The following GHR variants were observed in gnomAD, a reference collection of about 807,000 sequenced individuals.
The protein encoded by GHR is GH receptor.
GHR carries 35 observed loss-of-function variants against 67.1 expected under a neutral mutation model. The ratio of observed to expected loss-of-function variants is 0.52; its 90% CI spans 0.40 to 0.69. The LOEUF is 0.69. GHR is among the 30% of genes least tolerant of loss of function. The pLI is 0.00. For missense variants in GHR, 792 were observed against 764.6 expected, an observed-to-expected ratio of 1.04 and a Z score of -0.42; for synonymous variants, 272 against 269.1, an observed-to-expected ratio of 1.01 and a Z score of -0.10.
Position 42,716,016 on chromosome 5 carries a change from A to G in GHR, c.876-2036A>G, listed in dbSNP as rs576222057. Reference sequence around the variant, plus strand: ...ACAACCACTAGAAAACCACTAGCGCATGCCTGAATGCATCATCCTATTTAA... The same window carrying G: ...ACAACCACTAGAAAACCACTAGCGCGTGCCTGAATGCATCATCCTATTTAA... On this transcript the variant is annotated intron_variant, in intron 8 of 9. Transcript: ENST00000230882. 2.0e-5 allele frequency among the ~76,000 whole-genome samples: 3 copies of G among 152,320 alleles called. No individual in the cohort carries two copies. In the South Asian group the frequency reaches 6.2e-4, roughly 32 times the overall value.
intron 1 of GHR, among the ~76,000 whole-genome samples, chr5:42,531,217 A>T (rs1044806191): frequency 2.0e-5 from 3 of 152,020 alleles, no homozygotes; most frequent in Admixed American, 6.6e-5. Flanking sequence ...CAGTGAGCTG[A>T]GATAGCACCA....
At chr5:42,646,259 T>C in intron 3 of GHR, 1 of 434,238 alleles carries the variant, frequency 2.3e-6, no homozygotes, top group Non-Finnish European at 4.6e-6. Flanking sequence ...GTTGACCTCA[T>C]AGCTGATTAC....
chr5:42,712,502 G>A (rs949264814), intron 7 of GHR, among the ~76,000 whole-genome samples: 1 of 152,020 alleles, frequency 6.6e-6, no homozygotes, highest in Non-Finnish European at 1.5e-5. Context: ...GACAAAAAAT[G>A]ATTTTTTCTC....
At chr5:42,588,743 A>C (rs1221454900) in intron 2 of GHR, among the ~76,000 whole-genome samples, 2 of 152,132 alleles carry the variant, frequency 1.3e-5, no homozygotes, top group African/African-American at 4.8e-5. Context: ...TGATAAATCC[A>C]TATGAATGTC....
At chr5:42,683,925 A>C (rs1757012069) in intron 3 of GHR, among the ~76,000 whole-genome samples, 1 of 152,176 alleles carries the variant, frequency 6.6e-6, no homozygotes, top group Non-Finnish European at 1.5e-5. Context: ...AAGTTTAAGT[A>C]ATCAAAATGT....
At chr5:42,584,454 C>T (rs1057042163) in intron 2 of GHR, among the ~76,000 whole-genome samples, 2 of 152,124 alleles carry the variant, frequency 1.3e-5, no homozygotes, top group African/African-American at 4.8e-5. Context: ...CTCCCTCAAG[C>T]TTTGAAGAAA....
At chr5:42,478,659 G>T (rs1745459163) in intron 1 of GHR, among the ~76,000 whole-genome samples, 1 of 152,188 alleles carries the variant, frequency 6.6e-6, no homozygotes, top group African/African-American at 2.4e-5. Context: ...GTGAATGGGA[G>T]TTCACTCATG....
intron 2 of GHR, among the ~76,000 whole-genome samples, chr5:42,577,113 C>T (rs373146045): frequency 6.6e-6 from 1 of 152,140 alleles, no homozygotes; most frequent in Non-Finnish European, 1.5e-5. Context: ...AGAGTTAAAA[C>T]GTGGGTGTGC....
intron 2 of GHR, among the ~76,000 whole-genome samples, chr5:42,568,044 G>A (rs1339750427): frequency 1.3e-5 from 2 of 152,152 alleles, no homozygotes; most frequent in African/African-American, 4.8e-5. Flanking sequence ...ATTGAATTCA[G>A]TTTGTTCAGT....
chr5:42,574,519 T>C (rs1750533598), intron 2 of GHR, among the ~76,000 whole-genome samples: 1 of 152,208 alleles, frequency 6.6e-6, no homozygotes, highest in Non-Finnish European at 1.5e-5. Context: ...TTAACTTCTG[T>C]GCATACCTTG....
At chr5:42,459,526 G>A (rs745594989) in intron 1 of GHR, among the ~76,000 whole-genome samples, 8 of 152,090 alleles carry the variant, frequency 5.3e-5, no homozygotes, top group Non-Finnish European at 7.4e-5. Context: ...GTAGAGGGAG[G>A]GAAGAGGATG....
intron 2 of GHR, among the ~76,000 whole-genome samples, chr5:42,587,904 T>TA (rs1187816146): frequency 6.6e-6 from 1 of 152,160 alleles, no homozygotes; most frequent in East Asian, 1.9e-4. Flanking sequence ...GTCTACCCCT[T>TA]ACTGTGAGTT....
At chr5:42,579,073 CTATAGATAGATA>C (rs1404879062) in intron 2 of GHR, among the ~76,000 whole-genome samples, 5 of 120,364 alleles carry the variant, frequency 4.2e-5, no homozygotes, top group Admixed American at 9.4e-5. Flanking sequence ...AAATCTGACA[CTATAGATAGATA>C]GATAGATAGA....
chr5:42,557,176 CA>C (rs1383585124), intron 1 of GHR, among the ~76,000 whole-genome samples: 1 of 152,140 alleles, frequency 6.6e-6, no homozygotes, highest in Non-Finnish European at 1.5e-5. Flanking sequence ...AGAAGATGTA[CA>C]ATTGCCTGTA....
chr5:42,484,203 A>T (rs1051302565), intron 1 of GHR, among the ~76,000 whole-genome samples: 2 of 152,340 alleles, frequency 1.3e-5, no homozygotes, highest in South Asian at 2.1e-4. Flanking sequence ...ATGGATTGAC[A>T]TGTGACTTCT....
At chr5:42,627,929 G>A (rs1342195785) in intron 2 of GHR, among the ~76,000 whole-genome samples, 1 of 152,220 alleles carries the variant, frequency 6.6e-6, no homozygotes, top group African/African-American at 2.4e-5. Flanking sequence ...CGAAGGATGA[G>A]TGCAAGGTTT....
intron 1 of GHR, chr5:42,514,720 G>A (rs572026448): frequency 4.6e-5 from 7 of 152,304 alleles, no homozygotes; most frequent in African/African-American, 1.7e-4. Flanking sequence ...AGGGTGAGAG[G>A]AGGATAGAAA....
chr5:42,578,271 A>C (rs1425564609), intron 2 of GHR, among the ~76,000 whole-genome samples: 1 of 152,220 alleles, frequency 6.6e-6, no homozygotes, highest in East Asian at 1.9e-4. Flanking sequence ...TGGTAGTTGC[A>C]TATTGAACTG....
intron 3 of GHR, among the ~76,000 whole-genome samples, chr5:42,647,434 C>T (rs146195982): frequency 0.031 from 4,710 of 151,886 alleles, 102 homozygotes; most frequent in Middle Eastern, 0.078. Flanking sequence ...TATAGCTGGG[C>T]GTGGTGGCAG....
Sources: allele counts gnomAD v4.1 joint callset (sites outside exome capture counted in the v4.1 genomes callset), GRCh38; gene constraint gnomAD v4.1.1; transcripts MANE v1.5; gene names NCBI Gene and HGNC (gene_info 2026-07-23, HGNC 2026-07-21).